The following COLGALT2 variants were observed in gnomAD, a reference collection of about 807,000 sequenced individuals.
COLGALT2 encodes collagen beta(1-O)galactosyltransferase 2.
COLGALT2 carries 49 observed loss-of-function variants against 73.4 expected under a neutral mutation model. The ratio of observed to expected loss-of-function variants is 0.67; its 90% CI spans 0.53 to 0.85. The LOEUF (loss-of-function observed/expected upper bound fraction) is 0.85. Ranked by LOEUF, COLGALT2 falls within the 40% of genes least tolerant of loss-of-function variation. COLGALT2 has a pLI of 0.00. For missense variants in COLGALT2, 722 were observed against 790.2 expected, an observed-to-expected ratio of 0.91 and a Z score of 1.03; for synonymous variants, 295 against 307.6, an observed-to-expected ratio of 0.96 and a Z score of 0.43.
At position 183,959,414 on chromosome 1, in the gene COLGALT2, C is replaced by T. The variant is rs565589453; in HGVS notation, c.952+4487G>A. On this transcript the variant is annotated intron_variant, in intron 6 of 11. Transcript: ENST00000361927. Reference sequence around the variant, plus strand: ...TACGTGACCAAAACTAGCTCCCCAACCCCCAGTCTTTTTCTATAAAGTCTT... The same window carrying T: ...TACGTGACCAAAACTAGCTCCCCAATCCCCAGTCTTTTTCTATAAAGTCTT... 4.6e-5 allele frequency among the ~76,000 whole-genome samples: 7 copies of T among 152,250 alleles called. No individual in the cohort carries two copies. In the South Asian group the frequency reaches 1.5e-3, roughly 32 times the overall value.
chr1:183,940,527 T>C (rs905433970), intron 11 of COLGALT2, 54 bp downstream of exon 11: 52 of 1,463,898 alleles, frequency 3.6e-5, no homozygotes, highest in African/African-American at 6.9e-5. Flanking sequence ...ATGGAGAGCA[T>C]AATTCATGAA....
chr1:183,950,113 T>C (rs143436683), intron 8 of COLGALT2, among the ~76,000 whole-genome samples: 1 of 152,336 alleles, frequency 6.6e-6, no homozygotes, highest in East Asian at 1.9e-4. Flanking sequence ...TCCAGTATTT[T>C]ATGGGGCAAT....
chr1:184,007,175 A>G (rs1672109291), intron 1 of COLGALT2, among the ~76,000 whole-genome samples: 1 of 152,212 alleles, frequency 6.6e-6, no homozygotes, highest in Non-Finnish European at 1.5e-5. Context: ...TGCAACCCCA[A>G]GCTCATGAAG....
intron 5 of COLGALT2, among the ~76,000 whole-genome samples, chr1:183,965,688 C>T (rs926483927): frequency 6.6e-6 from 1 of 152,142 alleles, no homozygotes; most frequent in Non-Finnish European, 1.5e-5. Flanking sequence ...CAAATCTGGA[C>T]ATTCTGAGAG....
intron 10 of COLGALT2, among the ~76,000 whole-genome samples, 155 bp downstream of exon 10, chr1:183,944,041 C>A (rs1239792795): frequency 6.6e-6 from 1 of 152,170 alleles, no homozygotes; most frequent in Non-Finnish European, 1.5e-5. Context: ...CTAACCTCTA[C>A]CCATTTTTAT....
At chr1:183,966,206 TA>T (rs1385955146) in intron 5 of COLGALT2, among the ~76,000 whole-genome samples, 2 of 152,184 alleles carry the variant, frequency 1.3e-5, no homozygotes, top group African/African-American at 4.8e-5. Flanking sequence ...ACAGAAAATT[TA>T]AAAGAAAATG....
chr1:183,999,430 G>T (rs111907956), intron 1 of COLGALT2, among the ~76,000 whole-genome samples: 280 of 151,828 alleles, frequency 1.8e-3, no homozygotes, highest in African/African-American at 6.5e-3. Flanking sequence ...TTTATTATAC[G>T]GTCCTCATAT....
chr1:184,012,978 G>T (rs1398178159), intron 1 of COLGALT2, among the ~76,000 whole-genome samples: 1 of 152,192 alleles, frequency 6.6e-6, no homozygotes, highest in Non-Finnish European at 1.5e-5. Context: ...TGAGCCTAGG[G>T]GGCAGATCCA....
chr1:183,950,903 A>G (rs1670377826), intron 8 of COLGALT2, 104 bp downstream of exon 8: 3 of 799,626 alleles, frequency 3.8e-6, no homozygotes, highest in Middle Eastern at 4.8e-4. Flanking sequence ...ACTATCCTCT[A>G]ATGACCGAAG....
At chr1:183,961,745 A>AT (rs924428286) in intron 6 of COLGALT2, among the ~76,000 whole-genome samples, 28 of 152,150 alleles carry the variant, frequency 1.8e-4, no homozygotes, top group African/African-American at 5.5e-4. Context: ...CATTCAGCAG[A>AT]TTTTTTTTGG....
Position 184,002,902 on chromosome 1 carries a change from T to C in COLGALT2, c.264-24382A>G, listed in dbSNP as rs186615664. Among the ~76,000 whole-genome samples the C allele has an allele frequency of 1.1e-4, 17 of 152,190 alleles. No individual in the cohort carries two copies. The East Asian group carries it at 2.9e-3, about 26-fold the overall frequency. On this transcript the variant is annotated intron_variant, in intron 1 of 11. Coordinates refer to ENST00000361927, the MANE Select transcript of COLGALT2 (RefSeq NM_015101.4). ...TCCTATAAATATACTGGAATAGCAT[T>C]AAAATATATAATAAAAATATCAAAA...
intron 5 of COLGALT2, among the ~76,000 whole-genome samples, chr1:183,967,012 A>C (rs566845097): frequency 3.9e-5 from 6 of 152,294 alleles, no homozygotes; most frequent in Non-Finnish European, 7.4e-5. Flanking sequence ...AAAGAATACC[A>C]ATCATATTTC....
At chr1:183,933,332 T>C (rs1669883638), downstream of COLGALT2, among the ~76,000 whole-genome samples, 1 of 152,214 alleles carries the variant, frequency 6.6e-6, no homozygotes, top group Non-Finnish European at 1.5e-5. Flanking sequence ...TGTGGTGCGC[T>C]AGAAGCTGCC....
At chr1:183,977,406 G>A (rs1355958910) in intron 2 of COLGALT2, among the ~76,000 whole-genome samples, 6 of 151,472 alleles carry the variant, frequency 4.0e-5, no homozygotes, top group African/African-American at 1.5e-4. Context: ...AGGAGGCGGA[G>A]GTTGCAGTGA....
At chr1:184,030,317 C>T (rs1210441734) in intron 1 of COLGALT2, among the ~76,000 whole-genome samples, 2 of 152,016 alleles carry the variant, frequency 1.3e-5, no homozygotes, top group African/African-American at 2.4e-5. Context: ...TGAATAATAG[C>T]TATAATTTAA....
intron 1 of COLGALT2, among the ~76,000 whole-genome samples, chr1:184,010,058 A>T (rs1287194783): frequency 6.6e-6 from 1 of 152,146 alleles, no homozygotes; most frequent in Non-Finnish European, 1.5e-5. Flanking sequence ...GATCCTGCAA[A>T]ATCTTCCACT....
intron 1 of COLGALT2, among the ~76,000 whole-genome samples, chr1:183,991,399 T>A (rs767233052): frequency 3.3e-5 from 5 of 152,176 alleles, no homozygotes; most frequent in African/African-American, 7.2e-5. Context: ...TGTTTCCCCA[T>A]TGAGAAAGCT....
In COLGALT2 at chr1:183,936,672, G is replaced by GATACCCA; in HGVS notation, c.*2082_*2088dup. ...CACTCAAATATGAAAACAAAAACCA[G>GATACCCA]ATACCCAAGGAAATCTTAGGAATCA... is the stretch of plus-strand genomic sequence containing the variant. On this transcript the variant is annotated 3_prime_UTR_variant, in exon 12 of 12. Coordinates refer to ENST00000361927, the MANE Select transcript of COLGALT2 (RefSeq NM_015101.4). 8.1e-7 allele frequency: 1 copy of GATACCCA among 1,227,364 alleles called. No individual in the cohort carries two copies. The highest frequency in any genetic ancestry group is 1.0e-6 in the Non-Finnish European group (1 of 985,940). 76.0% of individuals were successfully genotyped at this position (1,227,364 alleles called of 1,614,324 possible). A position where few individuals can be genotyped will look rare whatever the true frequency, so the allele number is the denominator to read the frequency against.
chr1:184,016,990 G>C (rs1403682590), intron 1 of COLGALT2, among the ~76,000 whole-genome samples: 1 of 152,174 alleles, frequency 6.6e-6, no homozygotes, highest in Non-Finnish European at 1.5e-5. Context: ...GTTTAGAAAA[G>C]TTTCAAGCCA....
Sources: allele counts gnomAD v4.1 joint callset (sites outside exome capture counted in the v4.1 genomes callset), GRCh38; gene constraint gnomAD v4.1.1; transcripts MANE v1.5; gene names NCBI Gene and HGNC (gene_info 2026-07-23, HGNC 2026-07-21).